Variants in TGFBR3 observed in about 807,000 individuals in gnomAD.
TGFBR3 encodes the protein transforming growth factor beta receptor type 3.
Under a neutral mutation model 87.9 loss-of-function variants are expected in TGFBR3, and 46 were observed. The ratio of observed to expected loss-of-function variants is 0.52; its 90% confidence interval spans 0.41 to 0.67. The LOEUF (loss-of-function observed/expected upper bound fraction) is 0.67. TGFBR3 is among the 30% of genes least tolerant of loss of function. The pLI is 0.00. For missense variants in TGFBR3, 866 were observed against 1,041.9 expected (o/e 0.83, Z 2.32); for synonymous variants, 381 against 391.6 (o/e 0.97, Z 0.32).
chr1:91,902,614 CT>C (rs957174304), intron 1 of TGFBR3, among the ~76,000 whole-genome samples: 7 of 147,778 alleles, frequency 4.7e-5, no homozygotes, highest in South Asian at 2.2e-4. Flanking sequence ...TCTTTTCTTT[CT>C]TTTTTTTTTC....
Position 91,899,698 on chromosome 1 carries a change from C to G in TGFBR3, c.-174-1G>C, listed in dbSNP as rs771747565. 39 of 152,168 alleles carry G rather than the reference C, an allele frequency of 2.6e-4. No individual in the cohort carries two copies. Among genetic ancestry groups the G allele is most frequent in the Non-Finnish European group, 4.3e-4 (29 of 68,034 alleles). The allele number at this position is 152,168 out of a possible 1,614,324, so 9.4% of individuals were successfully genotyped here. On this transcript the variant is annotated splice_acceptor_variant, in intron 1 of 17. Transcript: ENST00000370399. LOFTEE classifies it low-confidence loss of function (5UTR_SPLICE). ...CTCTGATGTTGTGTCCTTGCTTTGA[C>G]TACAAATAAAACAAAGAACATTAAT...
chr1:91,814,555 T>G (rs1676147125), intron 2 of TGFBR3, among the ~76,000 whole-genome samples: 1 of 152,070 alleles, frequency 6.6e-6, no homozygotes, highest in African/African-American at 2.4e-5. Flanking sequence ...TATAAGAACA[T>G]GCACAACTGA....
chr1:91,696,070 A>G (rs896760784), intron 15 of TGFBR3, among the ~76,000 whole-genome samples: 11 of 152,186 alleles, frequency 7.2e-5, no homozygotes, highest in Non-Finnish European at 1.5e-4. Context: ...CTGTCATCTC[A>G]TTGTCTCACT....
intron 3 of TGFBR3, among the ~76,000 whole-genome samples, chr1:91,795,015 C>G (rs1675321852): frequency 6.6e-6 from 1 of 152,246 alleles, no homozygotes; most frequent in Non-Finnish European, 1.5e-5. Flanking sequence ...TCCTTATACA[C>G]ACCCATCTTA....
intron 3 of TGFBR3, among the ~76,000 whole-genome samples, chr1:91,764,766 G>A (rs754521951): frequency 3.3e-5 from 5 of 152,150 alleles, no homozygotes; most frequent in East Asian, 3.9e-4. Flanking sequence ...CTAACACACC[G>A]CAGCCTTGCA....
chr1:91,758,271 C>T (rs1439053951), intron 4 of TGFBR3, among the ~76,000 whole-genome samples: 1 of 152,038 alleles, frequency 6.6e-6, no homozygotes, highest in Admixed American at 6.6e-5. Flanking sequence ...ACCACACACC[C>T]GGTAGCCAGT....
intron 3 of TGFBR3, among the ~76,000 whole-genome samples, chr1:91,792,331 G>T (rs1011480161): frequency 6.6e-6 from 1 of 152,166 alleles, no homozygotes; most frequent in African/African-American, 2.4e-5. Flanking sequence ...TTTTTGACGG[G>T]TGAAGTTATT....
Position 91,873,488 on chromosome 1 carries a change from T to C in TGFBR3, c.-113-11844A>G, listed in dbSNP as rs571039508. 1.4e-4 allele frequency among the ~76,000 whole-genome samples: 22 copies of C among 151,806 alleles called. 1 individual carries two copies. The South Asian group carries it at 4.4e-3, about 30-fold the overall frequency. ...TTTTAGTAAAGATGGGGCTTTACCA[T>C]GTTGGCCAGGCTGCTCTCAAACTCC... On this transcript the variant is annotated intron_variant, in intron 1 of 16. Coordinates refer to ENST00000212355, the MANE Select transcript of TGFBR3 (RefSeq NM_003243.5).
chr1:91,813,768 C>T (rs909406429), intron 2 of TGFBR3, among the ~76,000 whole-genome samples: 6 of 152,196 alleles, frequency 3.9e-5, no homozygotes, highest in African/African-American at 1.4e-4. Flanking sequence ...CAGTCCCCAA[C>T]CTTTTTGGCA....
chr1:91,885,801 C>T, intron 1 of TGFBR3, 77 bp downstream of exon 1: 1 of 213,906 alleles, frequency 4.7e-6, no homozygotes, highest in South Asian at 6.0e-5. Flanking sequence ...CCGCGCCGCG[C>T]CGACGGGCAC....
intron 4 of TGFBR3, 143 bp from the exon 5 acceptor site, chr1:91,735,102 C>A: frequency 1.0e-6 from 1 of 984,278 alleles, no homozygotes. Flanking sequence ...TTTTAAGCAG[C>A]GGATTCAAGG....
chr1:91,725,737 C>T (rs1672527149), intron 7 of TGFBR3, among the ~76,000 whole-genome samples: 1 of 152,216 alleles, frequency 6.6e-6, no homozygotes, highest in Admixed American at 6.5e-5. Flanking sequence ...GACTGCACAA[C>T]ATCTACTAGG....
At chr1:91,715,921 T>C (rs17131536) in intron 12 of TGFBR3, among the ~76,000 whole-genome samples, 9,990 of 151,680 alleles carry the variant, frequency 0.066, 429 homozygotes, top group East Asian at 0.23. Flanking sequence ...ACTCTAACAC[T>C]GCAACTACTG....
rs376827122 is a variant in TGFBR3, at chr1:91,712,396, G to A, written c.2013C>T (p.Pro671=). 1.7e-5 allele frequency: 27 copies of A among 1,614,072 alleles called. No individual in the cohort carries two copies. The highest frequency in any genetic ancestry group is 2.3e-5 in the Non-Finnish European group (27 of 1,180,036). The change falls in exon 13 of 17, where the codon CCC becomes CCT. Residue 671 remains proline (P), a synonymous_variant. Coordinates refer to ENST00000212355, the MANE Select transcript of TGFBR3 (RefSeq NM_003243.5). ...GCGGGATAGGAAAGTGCACTCTCTT[G>A]GGACTGTAGAATTTCACAGATTCAT... ...PKDESVKFYS[P]KRVHFPIPQA...
At chr1:91,779,280 G>A (rs866516414) in intron 3 of TGFBR3, among the ~76,000 whole-genome samples, 1 of 152,178 alleles carries the variant, frequency 6.6e-6, no homozygotes, top group Non-Finnish European at 1.5e-5. Context: ...GATATTCCAC[G>A]CACTGTTCTA....
chr1:91,721,343 C>T (rs1464262346), intron 8 of TGFBR3, among the ~76,000 whole-genome samples: 1 of 152,172 alleles, frequency 6.6e-6, no homozygotes, highest in African/African-American at 2.4e-5. Context: ...CAAACAGTGA[C>T]TAAATGGTAG....
At chr1:91,745,237 GCT>G (rs1168893435) in intron 4 of TGFBR3, among the ~76,000 whole-genome samples, 1 of 152,134 alleles carries the variant, frequency 6.6e-6, no homozygotes, top group Non-Finnish European at 1.5e-5. Flanking sequence ...CCTACTCCCA[GCT>G]TTCAGTATTC....
intron 2 of TGFBR3, among the ~76,000 whole-genome samples, chr1:91,844,100 G>C (rs1281009352): frequency 6.6e-6 from 1 of 152,142 alleles, no homozygotes; most frequent in South Asian, 2.1e-4. Context: ...AAGGAACAAG[G>C]ATATTCATTT....
intron 7 of TGFBR3, among the ~76,000 whole-genome samples, chr1:91,727,368 G>A (rs1248480742): frequency 6.6e-6 from 1 of 152,132 alleles, no homozygotes; most frequent in Non-Finnish European, 1.5e-5. Flanking sequence ...GCATACTAAT[G>A]TATTTCAGGA....
Sources: gnomAD v4.1 joint callset for allele counts (sites outside exome capture counted in the v4.1 genomes callset) on GRCh38, gnomAD v4.1.1 for gene constraint, MANE v1.5 for transcripts, NCBI Gene and HGNC (gene_info 2026-07-23, HGNC 2026-07-21) for gene names.